Variants in C8orf34 observed in about 807,000 individuals in gnomAD.
The protein encoded by C8orf34 is uncharacterized protein C8orf34.
C8orf34 carries 65 observed loss-of-function variants against 68.3 expected under a neutral mutation model. The ratio of observed to expected loss-of-function variants is 0.95; its 90% CI spans 0.78 to 1.17. The LOEUF is 1.17. Ranked by LOEUF, C8orf34 falls within the 50% of genes most tolerant of loss-of-function variation. The pLI is 0.00. For missense variants in C8orf34, 664 were observed against 655.4 expected, an observed-to-expected ratio of 1.01 and a Z score of -0.14; for synonymous variants, 244 against 241.2, an observed-to-expected ratio of 1.01 and a Z score of -0.11.
Position 68,592,159 on chromosome 8 carries a change from T to C in C8orf34, c.1106-48217T>C, listed in dbSNP as rs144385581. 1.6e-4 allele frequency among the ~76,000 whole-genome samples: 25 copies of C among 152,282 alleles called. No homozygotes were observed. In the East Asian group the frequency reaches 4.6e-3, roughly 28 times the overall value. ...ATTTATTTTATAGAGATATTTTTTC[T>C]TTCATCCTCTATTCACATTTTCTTT... On this transcript the variant is annotated intron_variant, in intron 7 of 13. Coordinates refer to ENST00000518698, the MANE Select transcript of C8orf34 (RefSeq NM_052958.4).
intron 11 of C8orf34, among the ~76,000 whole-genome samples, chr8:68,778,435 C>A (rs1430661806): frequency 6.6e-6 from 1 of 151,866 alleles, no homozygotes; most frequent in Non-Finnish European, 1.5e-5. Flanking sequence ...CTCTTTTTTT[C>A]ATCTAGTTTT....
chr8:68,351,135 C>G (rs1454495765), intron 1 of C8orf34, among the ~76,000 whole-genome samples: 1 of 151,996 alleles, frequency 6.6e-6, no homozygotes, highest in Non-Finnish European at 1.5e-5. Context: ...CTTTCAAGGT[C>G]TCTTGTAAGG....
chr8:68,660,687 A>T (rs1003412987), intron 8 of C8orf34, among the ~76,000 whole-genome samples: 12 of 152,134 alleles, frequency 7.9e-5, no homozygotes. Flanking sequence ...CAAAGGTAGG[A>T]GTTGTGTTTG....
chr8:68,562,513 G>C (rs1816463252), intron 7 of C8orf34, among the ~76,000 whole-genome samples: 1 of 152,202 alleles, frequency 6.6e-6, no homozygotes, highest in South Asian at 2.1e-4. Flanking sequence ...TAGAAAGAAA[G>C]TGTTCCAACA....
At chr8:68,773,842 C>T (rs1755228800) in intron 10 of C8orf34, among the ~76,000 whole-genome samples, 2 of 151,616 alleles carry the variant, frequency 1.3e-5, no homozygotes, top group Non-Finnish European at 2.9e-5. Flanking sequence ...ATGACACTGA[C>T]ACTAAGGAAA....
intron 10 of C8orf34, among the ~76,000 whole-genome samples, chr8:68,738,491 A>G (rs1822185298): frequency 1.3e-5 from 2 of 152,118 alleles, no homozygotes; most frequent in Non-Finnish European, 2.9e-5. Context: ...TCAAAAGATC[A>G]GTGAATTCAG....
Position 68,610,865 on chromosome 8 carries a change from T to TG in C8orf34, c.1106-29511_1106-29510insG, listed in dbSNP as rs1554584903. 3.4e-4 allele frequency among the ~76,000 whole-genome samples: 44 copies of TG among 129,126 alleles called. 1 individual carries two copies. Among genetic ancestry groups the TG allele is most frequent in the African/African-American group, 8.2e-4 (24 of 29,348 alleles). 84.7% of individuals were successfully genotyped at this position (129,126 alleles called of 152,430 possible). ...TCTGGTTACAGTGAATCTTTGGTTTTTTTTTTTTTTTTTTTTGAGACAGAG... is the reference window on the plus strand; with the variant it reads ...TCTGGTTACAGTGAATCTTTGGTTTTGTTTTTTTTTTTTTTTTGAGACAGAG... On this transcript the variant is annotated intron_variant, in intron 7 of 13. Transcript: ENST00000518698.
chr8:68,470,208 A>T (rs1293153195), intron 4 of C8orf34, among the ~76,000 whole-genome samples: 2 of 152,090 alleles, frequency 1.3e-5, no homozygotes, highest in Non-Finnish European at 2.9e-5. Flanking sequence ...TTCTCTTCAT[A>T]TGGCAAAGGC....
intron 7 of C8orf34, among the ~76,000 whole-genome samples, chr8:68,538,702 A>G (rs1815584743): frequency 6.6e-6 from 1 of 152,178 alleles, no homozygotes; most frequent in South Asian, 2.1e-4. Flanking sequence ...GATAAGAGGT[A>G]AAGCTATATG....
chr8:68,406,111 C>T (rs1440876442), intron 1 of C8orf34, among the ~76,000 whole-genome samples: 1 of 152,102 alleles, frequency 6.6e-6, no homozygotes, highest in Non-Finnish European at 1.5e-5. Context: ...AGGATTTGGC[C>T]TGGGGACCCA....
chr8:68,531,924 G>T (rs185451837), intron 6 of C8orf34, among the ~76,000 whole-genome samples: 3 of 152,052 alleles, frequency 2.0e-5, no homozygotes, highest in African/African-American at 7.3e-5. Context: ...AGCAAGAGAA[G>T]GTGGCCCATG....
At chr8:68,727,837 C>A (rs972818576) in intron 10 of C8orf34, among the ~76,000 whole-genome samples, 50 of 152,180 alleles carry the variant, frequency 3.3e-4, no homozygotes, top group Non-Finnish European at 1.2e-4. Context: ...AGCATAGGGA[C>A]CCTAGGCCCA....
chr8:68,533,050 G>T lies in C8orf34; in HGVS notation c.1006G>T (p.Ala336Ser), dbSNP rs561667412. 5.0e-6 allele frequency: 8 copies of T among 1,611,036 alleles called. No individual in the cohort carries two copies. The highest frequency in any genetic ancestry group is 1.7e-4 in the Middle Eastern group (1 of 6,050). The change falls in exon 7 of 14, where the codon GCA (alanine) becomes TCA (serine). Residue 336 changes from alanine (A) to serine (S), a missense_variant. Transcript: ENST00000518698. Reference sequence around the variant, plus strand: ...ACAGCAACATAAGAAACTCCTGGCCGCAATGCTCTCTCAAGATTCTTTTGA... The same window carrying T: ...ACAGCAACATAAGAAACTCCTGGCCTCAATGCTCTCTCAAGATTCTTTTGA... ...QQQQHKKLLAAMLSQDSFESI... is the reference protein window; with the variant it reads ...QQQQHKKLLASMLSQDSFESI...
chr8:68,573,320 C>A (rs1234380380), intron 7 of C8orf34, among the ~76,000 whole-genome samples: 1 of 152,008 alleles, frequency 6.6e-6, no homozygotes, highest in African/African-American at 2.4e-5. Context: ...TTTGAAGTCA[C>A]CATGTTTCTA....
intron 10 of C8orf34, among the ~76,000 whole-genome samples, chr8:68,728,328 G>T (rs893785033): frequency 6.6e-6 from 1 of 152,114 alleles, no homozygotes; most frequent in African/African-American, 2.4e-5. Context: ...TCAGCATTTT[G>T]GGCAAAGCCA....
chr8:68,443,533 T>G (rs560749219), intron 2 of C8orf34, among the ~76,000 whole-genome samples: 1 of 151,808 alleles, frequency 6.6e-6, no homozygotes, highest in African/African-American at 2.4e-5. Flanking sequence ...TAGCTGGGAC[T>G]ACAGGCACAC....
chr8:68,572,961 G>C (rs1053350377), intron 7 of C8orf34, among the ~76,000 whole-genome samples: 4 of 152,080 alleles, frequency 2.6e-5, no homozygotes, highest in African/African-American at 9.7e-5. Context: ...TTCACACTCA[G>C]CTCTTCAAAT....
intron 1 of C8orf34, among the ~76,000 whole-genome samples, chr8:68,380,879 T>G (rs1808001665): frequency 6.6e-6 from 1 of 152,214 alleles, no homozygotes; most frequent in Non-Finnish European, 1.5e-5. Context: ...GGGAAAACAT[T>G]AACTCCTTTC....
At chr8:68,781,701 G>C (rs148468120) in intron 11 of C8orf34, among the ~76,000 whole-genome samples, 1 of 152,118 alleles carries the variant, frequency 6.6e-6, no homozygotes. Context: ...GAACAGGTGC[G>C]TTATATTACT....
Sources: gnomAD v4.1 joint callset for allele counts (sites outside exome capture counted in the v4.1 genomes callset) on GRCh38, gnomAD v4.1.1 for gene constraint, MANE v1.5 for transcripts, NCBI Gene and HGNC (gene_info 2026-07-23, HGNC 2026-07-21) for gene names.